The following UIMC1 variants were observed in gnomAD, a reference collection of about 807,000 sequenced individuals.
The protein encoded by UIMC1 is BRCA1-A complex subunit RAP80.
Under a neutral mutation model 84.9 loss-of-function variants are expected in UIMC1, and 42 were observed. That is an observed-to-expected ratio of 0.49 (90% CI 0.39 to 0.64). The LOEUF is 0.64. Among genes scored for constraint, UIMC1 ranks in the 30% least tolerant of loss-of-function variants. UIMC1 has a pLI of 0.00. For missense variants in UIMC1, 825 were observed against 847.6 expected (o/e 0.97, Z 0.33); for synonymous variants, 281 against 293.0 (o/e 0.96, Z 0.42).
intron 11 of UIMC1, among the ~76,000 whole-genome samples, chr5:176,911,100 A>AG (rs1309475670): frequency 1.2e-4 from 17 of 144,292 alleles, no homozygotes; most frequent in Admixed American, 2.9e-4. Flanking sequence ...AAAAAAAAAA[A>AG]AGAGAGAGAG....
At position 176,982,596 on chromosome 5, in the gene UIMC1, T is replaced by C. The variant is rs1561878895; in HGVS notation, c.20A>G (p.Lys7Arg). 6.2e-7 allele frequency: 1 copy of C among 1,613,856 alleles called. No individual in the cohort carries two copies. ...CCGAGATTCGGAGACTTCTTTAACTTTTTTCTTTCTCCGTGGCATCCTTTT... is the reference window on the plus strand; with the variant it reads ...CCGAGATTCGGAGACTTCTTTAACTCTTTTCTTTCTCCGTGGCATCCTTTT... MPRRKK[K>R]VKEVSESRNL... Residue 7 changes from lysine (K) to arginine (R), a missense_variant, in exon 2 of 15, where the codon AAA (lysine) becomes AGA (arginine). Transcript: ENST00000511320.
intron 1 of UIMC1, among the ~76,000 whole-genome samples, chr5:177,021,037 T>G (rs914877548): frequency 2.0e-5 from 3 of 152,110 alleles, no homozygotes; most frequent in Non-Finnish European, 4.4e-5. Context: ...CTCAGCATTT[T>G]GGGAGCCCGA....
intron 2 of UIMC1, among the ~76,000 whole-genome samples, chr5:176,979,743 C>T (rs138888494): frequency 0.011 from 1,633 of 152,254 alleles, 10 homozygotes; most frequent in South Asian, 0.025. Context: ...TTCCTGTATG[C>T]ATAACATATA....
intron 10 of UIMC1, among the ~76,000 whole-genome samples, chr5:176,937,918 T>C (rs915833662): frequency 3.9e-5 from 6 of 152,048 alleles, no homozygotes; most frequent in Non-Finnish European, 7.4e-5. Context: ...TTGCCAGGCA[T>C]GGTGGCCTAG....
At chr5:176,963,624 G>A (rs1767875684) in intron 6 of UIMC1, among the ~76,000 whole-genome samples, 1 of 151,466 alleles carries the variant, frequency 6.6e-6, no homozygotes, top group South Asian at 2.1e-4. Flanking sequence ...TTTTTCCACA[G>A]ACTAGTTGAA....
At position 176,907,335 on chromosome 5, in the gene UIMC1, T is replaced by C; in HGVS notation, c.1849-158A>G. On this transcript the variant is annotated intron_variant, in intron 12 of 14. Transcript: ENST00000511320. ...TTCTAATAAACGAGGGTTTCACAAG[T>C]GAAAAAGCAAACTATAATGAAGAGA... is the stretch of plus-strand genomic sequence containing the variant. 1.3e-5 allele frequency: 8 copies of C among 634,988 alleles called. 1 individual carries two copies. The South Asian group carries it at 1.6e-4, about 13-fold the overall frequency. 39.3% of individuals were successfully genotyped at this position (634,988 alleles called of 1,614,324 possible). A position where few individuals can be genotyped will look rare whatever the true frequency, so the allele number is the denominator to read the frequency against.
chr5:177,012,282 T>G (rs1007993038), intron 1 of UIMC1, among the ~76,000 whole-genome samples: 2 of 152,192 alleles, frequency 1.3e-5, no homozygotes, highest in Non-Finnish European at 2.9e-5. Flanking sequence ...ATTTAACACA[T>G]TATTTGTCTC....
chr5:176,958,122 T>C lies in UIMC1; in HGVS notation c.1233A>G (p.Glu411=). Residue 411 remains glutamate (E), a synonymous_variant, in exon 7 of 15, where the codon GAA becomes GAG. Coordinates refer to ENST00000511320, the MANE Select transcript of UIMC1 (RefSeq NM_001199298.2). ...SSQGIVEETS[E]EGNSVPASQS... Reference sequence around the variant, plus strand: ...GTGAAGCAGGTACAGAGTTTCCCTCTTCAGAAGTTTCTTCAACAATCCCTT... The same window carrying C: ...GTGAAGCAGGTACAGAGTTTCCCTCCTCAGAAGTTTCTTCAACAATCCCTT... The C allele has an allele frequency of 6.2e-7, 1 of 1,613,902 alleles. No homozygotes were observed. The highest frequency in any genetic ancestry group is 1.1e-5 in the South Asian group (1 of 91,048).
chr5:176,981,866 G>A (rs1771105631), intron 2 of UIMC1, among the ~76,000 whole-genome samples: 1 of 152,134 alleles, frequency 6.6e-6, no homozygotes, highest in South Asian at 2.1e-4. Context: ...CCTTTGAGAT[G>A]AGACCTGCAG....
intron 1 of UIMC1, among the ~76,000 whole-genome samples, chr5:176,988,776 C>T (rs1246223039): frequency 6.6e-6 from 1 of 151,254 alleles, no homozygotes; most frequent in Non-Finnish European, 1.5e-5. Context: ...CTCCACCTCC[C>T]GGGTTCAAGC....
intron 1 of UIMC1, among the ~76,000 whole-genome samples, chr5:177,012,047 G>A (rs565315536): frequency 2.4e-4 from 36 of 152,204 alleles, no homozygotes; most frequent in East Asian, 9.7e-4. Flanking sequence ...TGATCCGCCC[G>A]TCTTGGCCTC....
intron 10 of UIMC1, among the ~76,000 whole-genome samples, chr5:176,931,677 G>GC (rs1205555339): frequency 6.6e-6 from 1 of 152,244 alleles, no homozygotes; most frequent in Non-Finnish European, 1.5e-5. Flanking sequence ...CAGAAAAGTT[G>GC]AACAAAAGTT....
intron 7 of UIMC1, among the ~76,000 whole-genome samples, chr5:176,957,604 G>A (rs1414001122): frequency 6.6e-6 from 1 of 152,138 alleles, no homozygotes; most frequent in African/African-American, 2.4e-5. Context: ...TGTGTGGCCT[G>A]AATAATATGA....
chr5:176,993,945 T>C (rs1225666824), intron 1 of UIMC1, among the ~76,000 whole-genome samples: 2 of 151,458 alleles, frequency 1.3e-5, no homozygotes, highest in East Asian at 1.9e-4. Context: ...GAAGCAGAGG[T>C]TGCAGTGAGC....
At position 176,970,849 on chromosome 5, in the gene UIMC1, GTTC is replaced by G. The variant is rs780279741; in HGVS notation, c.247_249del (p.Glu83del). The G allele has an allele frequency of 1.8e-5, 29 of 1,613,790 alleles. No homozygotes were observed. Among genetic ancestry groups the G allele is most frequent in the East Asian group, 2.2e-5 (1 of 44,886 alleles). ...CTCATTTTGAGAGCCAGAGCAAACT[GTTC>G]TTCTTCTGTCATCTCTGTAAGAGGA... On this transcript the variant is annotated inframe_deletion, in exon 4 of 15. Transcript: ENST00000511320.
At chr5:176,954,662 G>A (rs1307461880) in intron 8 of UIMC1, among the ~76,000 whole-genome samples, 4 of 151,270 alleles carry the variant, frequency 2.6e-5, no homozygotes, top group African/African-American at 9.7e-5. Flanking sequence ...TGAGGAGTGA[G>A]GATCATTTGA....
At chr5:177,017,337 T>G (rs963394049) in intron 1 of UIMC1, among the ~76,000 whole-genome samples, 1 of 152,140 alleles carries the variant, frequency 6.6e-6, no homozygotes, top group African/African-American at 2.4e-5. Context: ...CATGGTAGAT[T>G]CATTGTCCCA....
chr5:177,010,171 G>T (rs949716719), upstream of UIMC1, among the ~76,000 whole-genome samples: 2 of 152,032 alleles, frequency 1.3e-5, no homozygotes, highest in South Asian at 2.1e-4. Context: ...AGCTATGATC[G>T]CACCACTGCA....
chr5:176,997,469 G>C (rs892884918), intron 1 of UIMC1, among the ~76,000 whole-genome samples: 2 of 152,054 alleles, frequency 1.3e-5, no homozygotes, highest in Non-Finnish European at 2.9e-5. Flanking sequence ...CGGATCACAA[G>C]GTCAGGAGAT....
Sources: allele counts gnomAD v4.1 joint callset (sites outside exome capture counted in the v4.1 genomes callset), GRCh38; gene constraint gnomAD v4.1.1; transcripts MANE v1.5; gene names NCBI Gene and HGNC (gene_info 2026-07-23, HGNC 2026-07-21).